Variants in TRPM3 observed in about 807,000 individuals in gnomAD.
TRPM3 encodes transient receptor potential cation channel subfamily M member 3, also known as long transient receptor potential channel 3.
TRPM3 carries 77 observed loss-of-function variants against 181.2 expected under a neutral mutation model. The observed-to-expected ratio is 0.42, with a 90% CI of 0.35 to 0.51. The LOEUF (loss-of-function observed/expected upper bound fraction) is 0.51. TRPM3 is among the 20% of genes least tolerant of loss of function. The pLI is 0.01. For synonymous variants in TRPM3, 745 were observed against 796.4 expected, an observed-to-expected ratio of 0.94 and a Z score of 1.09; for missense variants, 1,759 against 2,196.7, an observed-to-expected ratio of 0.80 and a Z score of 3.98.
intron 1 of TRPM3, among the ~76,000 whole-genome samples, chr9:70,918,287 T>C (rs1305491633): frequency 1.3e-5 from 2 of 152,140 alleles, no homozygotes; most frequent in Non-Finnish European, 2.9e-5. Context: ...AATAGATACT[T>C]ACAGAACACT....
intron 1 of TRPM3, among the ~76,000 whole-genome samples, chr9:70,996,187 G>A (rs151224988): frequency 3.3e-5 from 5 of 152,248 alleles, no homozygotes; most frequent in African/African-American, 7.2e-5. Context: ...CAGAAAAACC[G>A]AACACATATT....
At chr9:70,794,722 C>G (rs1056683082) in intron 6 of TRPM3, among the ~76,000 whole-genome samples, 1 of 152,198 alleles carries the variant, frequency 6.6e-6, no homozygotes, top group African/African-American at 2.4e-5. Flanking sequence ...CTGATTCACT[C>G]TCAGCATGTG....
intron 18 of TRPM3, 108 bp from the exon 19 acceptor site, chr9:70,610,857 C>A: frequency 7.4e-7 from 1 of 1,349,538 alleles, no homozygotes; most frequent in Non-Finnish European, 1.0e-6. Context: ...CCTAAGAACC[C>A]AAGGCCCCAG....
chr9:71,420,989 G>GAAAAAGAGAGAAAAAGAGAGAGAAAA (rs2093757189), intron 1 of TRPM3, among the ~76,000 whole-genome samples: 2 of 101,882 alleles, frequency 2.0e-5, no homozygotes, highest in African/African-American at 8.9e-5. Flanking sequence ...GAGAGAAAAA[G>GAAAAAGAGAGAAAAAGAGAGAGAAAA]AGAGAGAAAA....
intron 1 of TRPM3, among the ~76,000 whole-genome samples, chr9:71,215,383 C>T (rs2079802512): frequency 6.6e-6 from 1 of 152,108 alleles, no homozygotes; most frequent in African/African-American, 2.4e-5. Flanking sequence ...GCCCTATCAC[C>T]AAAAGCCTGC....
chr9:71,185,514 A>G (rs1312408183), intron 1 of TRPM3, among the ~76,000 whole-genome samples: 3 of 152,240 alleles, frequency 2.0e-5, no homozygotes, highest in African/African-American at 7.2e-5. Flanking sequence ...TAAGAACTAT[A>G]CTGTTACTGA....
chr9:71,250,524 GTAT>G (rs975498155), intron 1 of TRPM3, among the ~76,000 whole-genome samples: 2 of 152,148 alleles, frequency 1.3e-5, no homozygotes, highest in African/African-American at 4.8e-5. Context: ...CTCAAGAAAA[GTAT>G]TGGTTTACTC....
intron 1 of TRPM3, among the ~76,000 whole-genome samples, chr9:70,963,576 T>C (rs1392205473): frequency 6.6e-6 from 1 of 152,114 alleles, no homozygotes; most frequent in Non-Finnish European, 1.5e-5. Flanking sequence ...GTGATAACAC[T>C]TCGAGGTATG....
intron 1 of TRPM3, among the ~76,000 whole-genome samples, chr9:71,003,315 T>C (rs1449339585): frequency 1.3e-5 from 2 of 152,120 alleles, no homozygotes; most frequent in East Asian, 1.9e-4. Context: ...GCAAAGTTCA[T>C]TCAGTCATTC....
At chr9:70,754,544 G>A (rs2076727891) in intron 8 of TRPM3, among the ~76,000 whole-genome samples, 1 of 152,084 alleles carries the variant, frequency 6.6e-6, no homozygotes, top group Admixed American at 6.6e-5. Flanking sequence ...GTGAGGGGCT[G>A]CCCCACCTAG....
chr9:71,139,497 G>A (rs1367764034), intron 1 of TRPM3, among the ~76,000 whole-genome samples: 6 of 152,256 alleles, frequency 3.9e-5, no homozygotes, highest in Non-Finnish European at 5.9e-5. Flanking sequence ...AAACAGAGTC[G>A]GGGTTGGATA....
chr9:71,349,687 T>G (rs1203978082), intron 1 of TRPM3, among the ~76,000 whole-genome samples: 1 of 152,190 alleles, frequency 6.6e-6, no homozygotes, highest in Non-Finnish European at 1.5e-5. Flanking sequence ...CAAATGTCTT[T>G]TCTTTTGACC....
rs192120784 is a variant in TRPM3, at chr9:70,630,677, T to C, written c.1632+4534A>G. 9.8e-5 allele frequency among the ~76,000 whole-genome samples: 15 copies of C among 152,328 alleles called. No individual in the cohort carries two copies. In the East Asian group the frequency reaches 2.9e-3, roughly 29 times the overall value. On this transcript the variant is annotated intron_variant, in intron 12 of 25. Transcript: ENST00000677713. ...TTCCCCCTCCCCCTTCGGTAATGAC[T>C]TTGGTAATTGGTAAAGCCTGAACTA...
intron 1 of TRPM3, among the ~76,000 whole-genome samples, chr9:71,031,863 C>A (rs1452332744): frequency 6.9e-6 from 1 of 144,620 alleles, no homozygotes; most frequent in East Asian, 2.0e-4. Context: ...GGGAATAATA[C>A]AATATTGGGA....
intron 1 of TRPM3, among the ~76,000 whole-genome samples, chr9:71,196,432 T>G (rs2078369157): frequency 6.6e-6 from 1 of 152,004 alleles, no homozygotes; most frequent in African/African-American, 2.4e-5. Flanking sequence ...TTATCTATAT[T>G]GTCCTCTGGT....
chr9:70,861,974 G>A lies in TRPM3; in HGVS notation c.462+934C>T, dbSNP rs528972199. Among the ~76,000 whole-genome samples, 20 of 152,082 alleles carry A rather than the reference G, an allele frequency of 1.3e-4. 1 individual carries two copies. In the South Asian group the frequency reaches 3.5e-3, roughly 27 times the overall value. On this transcript the variant is annotated intron_variant, in intron 3 of 25. Transcript: ENST00000677713. ...GGAAAGGGGAAGAGGAGAGAGACAG[G>A]GAAGGGAGAGGTAAGAAAAGAGAAG...
chr9:70,927,050 T>A (rs1243855782), intron 1 of TRPM3, among the ~76,000 whole-genome samples: 2 of 152,188 alleles, frequency 1.3e-5, no homozygotes, highest in African/African-American at 4.8e-5. Flanking sequence ...TCCAGAAGTT[T>A]TCATGACTGT....
intron 1 of TRPM3, among the ~76,000 whole-genome samples, chr9:71,156,165 G>C (rs961019540): frequency 6.6e-6 from 1 of 152,006 alleles, no homozygotes; most frequent in African/African-American, 2.4e-5. Context: ...ACTTAGTTCA[G>C]GTACAATGGA....
At chr9:71,007,361 C>G (rs991343271) in intron 1 of TRPM3, among the ~76,000 whole-genome samples, 7 of 152,144 alleles carry the variant, frequency 4.6e-5, no homozygotes, top group African/African-American at 1.7e-4. Context: ...ACCAAATGTA[C>G]CTAACAGACA....
Sources: allele counts gnomAD v4.1 joint callset (sites outside exome capture counted in the v4.1 genomes callset), GRCh38; gene constraint gnomAD v4.1.1; transcripts MANE v1.5; gene names NCBI Gene and HGNC (gene_info 2026-07-23, HGNC 2026-07-21).